ADIG: variants seen among roughly 807,000 people sequenced by gnomAD.
The protein encoded by ADIG is adipogenin.
In ADIG, 12 loss-of-function variants were observed where a neutral mutation model predicts 10.7. The observed-to-expected ratio is 1.12, with a 90% CI of 0.72 to 1.82. The LOEUF is 1.82. Among genes scored for constraint, ADIG ranks in the 40% most tolerant of loss-of-function variants. ADIG has a pLI of 0.00. For synonymous variants in ADIG, 32 were observed against 35.6 expected (o/e 0.90, Z 0.36); for missense variants, 72 against 92.5 (o/e 0.78, Z 0.91).
intron 1 of ADIG, 120 bp from the exon 2 acceptor site, chr20:38,585,909 T>C: frequency 4.0e-6 from 4 of 999,560 alleles, no homozygotes; most frequent in Non-Finnish European, 4.5e-6. Context: ...GGATTCTGCC[T>C]TGGCCCTAGC....
chr20:38,583,775 G>C (rs2088608795), intron 1 of ADIG, among the ~76,000 whole-genome samples: 1 of 152,202 alleles, frequency 6.6e-6, no homozygotes, highest in Non-Finnish European at 1.5e-5. Context: ...CTCCTGAGAG[G>C]CTGTTTACTG....
At chr20:38,587,645 G>T (rs1601121648) in intron 2 of ADIG, among the ~76,000 whole-genome samples, 1 of 152,114 alleles carries the variant, frequency 6.6e-6, no homozygotes, top group Non-Finnish European at 1.5e-5. Context: ...CATGAGAAAA[G>T]ATTTTCGGAC....
chr20:38,585,775 T>C lies in ADIG; in HGVS notation c.125-254T>C. The C allele has an allele frequency of 4.9e-6, 3 of 608,022 alleles. No individual in the cohort carries two copies. The South Asian group carries it at 6.1e-5, about 12-fold the overall frequency. 37.7% of individuals were successfully genotyped at this position (608,022 alleles called of 1,614,324 possible). A position where few individuals can be genotyped will look rare whatever the true frequency, so the allele number is the denominator to read the frequency against. ...ATGTCCAGTACAGTATGTCATTTGC[T>C]CACCTCTGTGTCCTCCCCTCTAGAT... On this transcript the variant is annotated intron_variant, in intron 1 of 2. Transcript: ENST00000537425.
At chr20:38,583,756 G>T (rs543832057) in intron 1 of ADIG, among the ~76,000 whole-genome samples, 1 of 152,156 alleles carries the variant, frequency 6.6e-6, no homozygotes, top group Admixed American at 6.5e-5. Context: ...CAACCCCTCC[G>T]CAGACTTTCT....
rs373054189 is a variant in ADIG, at chr20:38,581,388, C to G, written c.124+14C>G. ...TACTTAGCCAAGGTGAGCTTCTTAC[C>G]CCGTCCAGGCAGGACCCTAATCCTG... is the stretch of plus-strand genomic sequence containing the variant. On this transcript the variant is annotated intron_variant, in intron 1 of 2. Coordinates refer to ENST00000537425, the MANE Select transcript of ADIG (RefSeq NM_001393816.1). 7.8e-5 allele frequency: 126 copies of G among 1,613,800 alleles called. No homozygotes were observed. The African/African-American group carries it at 1.6e-3, about 20-fold the overall frequency.
intron 2 of ADIG, among the ~76,000 whole-genome samples, chr20:38,587,224 A>C (rs1317183801): frequency 7.3e-6 from 1 of 136,526 alleles, no homozygotes; most frequent in African/African-American, 3.5e-5. Flanking sequence ...CTCTCTCCCA[A>C]CTCTAATCTC....
intron 1 of ADIG, chr20:38,585,284 T>C (rs2088626403): frequency 2.6e-6 from 2 of 773,490 alleles, no homozygotes; most frequent in Non-Finnish European, 4.1e-6. Flanking sequence ...CATCCCTCTT[T>C]TTTTCTCACC....
chr20:38,584,997 CGATCTCTT>C lies in ADIG; in HGVS notation c.125-1025_125-1018del, dbSNP rs1226758395. ...TTCGCCATGTTGGCCAGGATGGTCT[CGATCTCTT>C]GATCTCATGGTCACCCGCCTTGGCC... is the stretch of plus-strand genomic sequence containing the variant. On this transcript the variant is annotated intron_variant, in intron 1 of 2. Coordinates refer to ENST00000537425, the MANE Select transcript of ADIG (RefSeq NM_001393816.1). 2.0e-5 allele frequency among the ~76,000 whole-genome samples: 3 copies of C among 152,190 alleles called. No individual in the cohort carries two copies. In the East Asian group the frequency reaches 5.8e-4, roughly 29 times the overall value.
intron 1 of ADIG, among the ~76,000 whole-genome samples, chr20:38,584,460 G>A (rs1302091730): frequency 3.3e-5 from 5 of 152,352 alleles, no homozygotes; most frequent in African/African-American, 1.2e-4. Context: ...CAGAAGAGTG[G>A]CGCAACAACC....
chr20:38,581,472 C>A lies in ADIG; in HGVS notation c.124+98C>A, dbSNP rs933718139. On this transcript the variant is annotated intron_variant, in intron 1 of 2. Coordinates refer to ENST00000537425, the MANE Select transcript of ADIG (RefSeq NM_001393816.1). ...CCTGAAACAACTGCAGAAGGGGCTTCCTTCAGTCATTTTAAGTGCTCGCTT... is the reference window on the plus strand; with the variant it reads ...CCTGAAACAACTGCAGAAGGGGCTTACTTCAGTCATTTTAAGTGCTCGCTT... The A allele has an allele frequency of 3.9e-6, 6 of 1,526,822 alleles. No homozygotes were observed. The African/African-American group carries it at 8.3e-5, about 21-fold the overall frequency. 94.6% of individuals were successfully genotyped at this position (1,526,822 alleles called of 1,614,324 possible). A position where few individuals can be genotyped will look rare whatever the true frequency, so the allele number is the denominator to read the frequency against.
chr20:38,587,500 A>G (rs756431899), intron 2 of ADIG, among the ~76,000 whole-genome samples: 1 of 152,148 alleles, frequency 6.6e-6, no homozygotes, highest in Non-Finnish European at 1.5e-5. Context: ...CAGTCCCACA[A>G]GGTCCCAGGC....
chr20:38,585,986 C>A, intron 1 of ADIG, 43 bp from the exon 2 acceptor site: 1 of 1,533,418 alleles, frequency 6.5e-7, no homozygotes, highest in Non-Finnish European at 8.9e-7. Context: ...GGGTAGGAGA[C>A]AGGATGTGAC....
rs546661768 is a variant in ADIG, at chr20:38,585,998, A to G, written c.125-31A>G. 8.4e-5 allele frequency: 131 copies of G among 1,568,342 alleles called. No homozygotes were observed. In the African/African-American group the frequency reaches 1.6e-3, roughly 19 times the overall value. ...CAGGGGTAGGAGACAGGATGTGACCATCCAAGAGGCCTTGCCTCGTATCTC... is the reference window on the plus strand; with the variant it reads ...CAGGGGTAGGAGACAGGATGTGACCGTCCAAGAGGCCTTGCCTCGTATCTC... On this transcript the variant is annotated intron_variant, in intron 1 of 2. Coordinates refer to ENST00000537425, the MANE Select transcript of ADIG (RefSeq NM_001393816.1).
intron 1 of ADIG, 43 bp from the exon 2 acceptor site, chr20:38,585,986 C>T: frequency 5.2e-6 from 8 of 1,533,418 alleles, no homozygotes; most frequent in Non-Finnish European, 7.1e-6. Flanking sequence ...GGGTAGGAGA[C>T]AGGATGTGAC....
chr20:38,585,933 G>A (rs1016518764), intron 1 of ADIG, 96 bp from the exon 2 acceptor site: 1 of 1,259,000 alleles, frequency 7.9e-7, no homozygotes, highest in Non-Finnish European at 1.1e-6. Flanking sequence ...AGGCAAGGCT[G>A]CAGGGATACC....
intron 1 of ADIG, chr20:38,585,583 C>T: frequency 6.6e-7 from 1 of 1,508,080 alleles, no homozygotes; most frequent in Non-Finnish European, 9.0e-7. Context: ...GACGTGGACA[C>T]AGTTTCCAGG....
intron 1 of ADIG, among the ~76,000 whole-genome samples, chr20:38,583,065 G>A (rs1398787642): frequency 6.6e-6 from 1 of 152,078 alleles, no homozygotes; most frequent in African/African-American, 2.4e-5. Flanking sequence ...TGATCCACCC[G>A]CCTCAGCCTC....
intron 1 of ADIG, among the ~76,000 whole-genome samples, chr20:38,584,591 TCCCTGGC>T (rs2088618597): frequency 6.6e-6 from 1 of 152,166 alleles, no homozygotes; most frequent in Non-Finnish European, 1.5e-5. Context: ...GTAGCACCAC[TCCCTGGC>T]TGTGAGCCTG....
chr20:38,585,969 G>A, intron 1 of ADIG, 60 bp from the exon 2 acceptor site: 1 of 1,504,550 alleles, frequency 6.6e-7, no homozygotes, highest in African/African-American at 1.4e-5. Context: ...ACTCCTTCCT[G>A]GGTCAGGGGT....
Sources: gnomAD v4.1 joint callset for allele counts (sites outside exome capture counted in the v4.1 genomes callset) on GRCh38, gnomAD v4.1.1 for gene constraint, MANE v1.5 for transcripts, NCBI Gene and HGNC (gene_info 2026-07-23, HGNC 2026-07-21) for gene names.